HSBP1L1: variants seen among roughly 807,000 people sequenced by gnomAD.
HSBP1L1 encodes the protein heat shock factor binding protein 1 like 1, also known as heat shock factor-binding protein 1-like protein 1.
A neutral mutation model predicts 9.7 loss-of-function variants in HSBP1L1; 8 were observed. The observed-to-expected ratio is 0.82, with a 90% CI of 0.48 to 1.48. HSBP1L1 has a LOEUF of 1.48. Among genes scored for constraint, HSBP1L1 ranks in the 40% most tolerant of loss-of-function variants. The pLI is 0.00. For missense variants in HSBP1L1, 106 were observed against 95.8 expected (o/e 1.11, Z -0.44); for synonymous variants, 39 against 34.4 (o/e 1.13, Z -0.46).
In HSBP1L1 at chr18:79,970,463, C is replaced by A; in HGVS notation, c.*12C>A. 1.4e-6 allele frequency: 1 copy of A among 718,524 alleles called. No homozygotes were observed. The highest frequency in any genetic ancestry group is 2.6e-6 in the Non-Finnish European group (1 of 385,040). 44.5% of individuals were successfully genotyped at this position (718,524 alleles called of 1,614,324 possible). On this transcript the variant is annotated 3_prime_UTR_variant, in exon 4 of 4. Transcript: ENST00000451882. ...AGCTGAAGACCTAACTGCAGCATGT[C>A]TGTATTTGGAGATGGGGCCTCTACA...
At chr18:79,965,267 C>T (rs1051790871) in intron 1 of HSBP1L1, among the ~76,000 whole-genome samples, 1 of 152,196 alleles carries the variant, frequency 6.6e-6, no homozygotes, top group African/African-American at 2.4e-5. Flanking sequence ...CCAAAGAGTT[C>T]CAGGCCCACA....
intron 1 of HSBP1L1, 55 bp downstream of exon 1, chr18:79,964,841 T>TG (rs1413785231): frequency 4.1e-5 from 8 of 195,964 alleles, no homozygotes; most frequent in Non-Finnish European, 5.0e-5. Context: ...CCTGCGGTTC[T>TG]GGGGGGTTTT....
intron 2 of HSBP1L1, among the ~76,000 whole-genome samples, chr18:79,967,289 T>C (rs2051262658): frequency 6.6e-6 from 1 of 152,058 alleles, no homozygotes; most frequent in African/African-American, 2.4e-5. Context: ...CAGTGCCCCC[T>C]AGACCATAGA....
At chr18:79,969,191 AAAAGAAAGGAAAG>A (rs1404512326) in intron 3 of HSBP1L1, among the ~76,000 whole-genome samples, 3 of 57,350 alleles carry the variant, frequency 5.2e-5, no homozygotes, top group African/African-American at 9.9e-5. Flanking sequence ...AACATGAAAG[AAAAGAAAGGAAAG>A]AAAGAAAGAA....
chr18:79,969,964 G>A (rs141086421), intron 3 of HSBP1L1: 1 of 163,932 alleles, frequency 6.1e-6, no homozygotes, highest in Admixed American at 5.8e-5. Flanking sequence ...CTTGTCACCT[G>A]CATTAGCTGC....
intron 2 of HSBP1L1, 175 bp downstream of exon 2, chr18:79,966,853 A>T (rs2051259660): frequency 7.1e-6 from 4 of 562,376 alleles, no homozygotes; most frequent in Non-Finnish European, 1.3e-5. Flanking sequence ...ACCTATAGCA[A>T]AAGCTGTACC....
chr18:79,970,664 G>C lies in HSBP1L1; in HGVS notation c.*213G>C, dbSNP rs1452950249. On this transcript the variant is annotated 3_prime_UTR_variant, in exon 4 of 4. Coordinates refer to ENST00000451882, the MANE Select transcript of HSBP1L1 (RefSeq NM_001136180.2). Reference sequence around the variant, plus strand: ...CAGAAATCACACGGACCAGCACCTTGATCTGGGACTTCCAGAAAACAGAAC... The same window carrying C: ...CAGAAATCACACGGACCAGCACCTTCATCTGGGACTTCCAGAAAACAGAAC... 1.1e-5 allele frequency: 6 copies of C among 534,852 alleles called. 1 individual carries two copies. Among genetic ancestry groups the C allele is most frequent in the Non-Finnish European group, 2.0e-5 (6 of 295,288 alleles). 33.1% of individuals were successfully genotyped at this position (534,852 alleles called of 1,614,324 possible).
At position 79,970,660 on chromosome 18, in the gene HSBP1L1, C is replaced by T. The variant is rs116832047; in HGVS notation, c.*209C>T. 1.2e-3 allele frequency: 635 copies of T among 544,858 alleles called. 1 individual carries two copies. Among genetic ancestry groups the T allele is most frequent in the African/African-American group, 9.5e-3 (505 of 53,280 alleles). 33.8% of individuals were successfully genotyped at this position (544,858 alleles called of 1,614,324 possible). ...TCCCCAGAAATCACACGGACCAGCA[C>T]CTTGATCTGGGACTTCCAGAAAACA... On this transcript the variant is annotated 3_prime_UTR_variant, in exon 4 of 4. Coordinates refer to ENST00000451882, the MANE Select transcript of HSBP1L1 (RefSeq NM_001136180.2).
chr18:79,966,688 T>C lies in HSBP1L1; in HGVS notation c.118+10T>C. 5.2e-6 allele frequency: 8 copies of C among 1,533,274 alleles called. No individual in the cohort carries two copies. The highest frequency in any genetic ancestry group is 7.1e-6 in the Non-Finnish European group (8 of 1,131,032). The allele number at this position is 1,533,274 out of a possible 1,614,324, so 95.0% of individuals were successfully genotyped here. A position where few individuals can be genotyped will look rare whatever the true frequency, so the allele number is the denominator to read the frequency against. On this transcript the variant is annotated intron_variant, in intron 2 of 3. Coordinates refer to ENST00000451882, the MANE Select transcript of HSBP1L1 (RefSeq NM_001136180.2). ...ACATTAAACCTCAGAAATATCCTTTTCTACCTTTAACAAATGCTGTGATTC... is the reference window on the plus strand; with the variant it reads ...ACATTAAACCTCAGAAATATCCTTTCCTACCTTTAACAAATGCTGTGATTC...
intron 2 of HSBP1L1, 146 bp downstream of exon 2, chr18:79,966,824 G>A: frequency 3.1e-6 from 2 of 648,422 alleles, no homozygotes; most frequent in Non-Finnish European, 5.4e-6. Context: ...GTGGCTTCCT[G>A]ATGTGTTAAT....
chr18:79,969,393 A>AGG (rs1329993985), intron 3 of HSBP1L1, among the ~76,000 whole-genome samples: 1 of 70,844 alleles, frequency 1.4e-5, no homozygotes, highest in Non-Finnish European at 3.1e-5. Context: ...GAAAGAAAGA[A>AGG]AAAAAAACGA....
chr18:79,968,229 C>A, intron 3 of HSBP1L1, 46 bp downstream of exon 3: 2 of 1,105,092 alleles, frequency 1.8e-6, no homozygotes, highest in Non-Finnish European at 2.7e-6. Context: ...TATGTTTTGA[C>A]TGCTTTCATC....
chr18:79,967,806 A>C, intron 2 of HSBP1L1: 1 of 299,464 alleles, frequency 3.3e-6, no homozygotes. Flanking sequence ...ATTTATTTTT[A>C]CATACCCAGA....
chr18:79,969,375 GAA>G (rs1300355171), intron 3 of HSBP1L1, among the ~76,000 whole-genome samples: 2 of 52,058 alleles, frequency 3.8e-5, no homozygotes, highest in Non-Finnish European at 9.6e-5. Flanking sequence ...AAGAAAGAAA[GAA>G]AGAAAGAAAG....
Position 79,969,391 on chromosome 18 carries a change from GA to G in HSBP1L1, c.214-1040del, listed in dbSNP as rs755308930. 4.7e-4 allele frequency among the ~76,000 whole-genome samples: 44 copies of G among 92,970 alleles called. 2 individuals carry two copies. The highest frequency in any genetic ancestry group is 4.4e-4 in the Non-Finnish European group (20 of 45,320). 61.0% of individuals were successfully genotyped at this position (92,970 alleles called of 152,430 possible). A position where few individuals can be genotyped will look rare whatever the true frequency, so the allele number is the denominator to read the frequency against. ...AGAAAGAAAGAAAGAAAGAAAGAAAGAAAAAAAAACGATGCAGAATAGCGCC... is the reference window on the plus strand; with the variant it reads ...AGAAAGAAAGAAAGAAAGAAAGAAAGAAAAAAAACGATGCAGAATAGCGCC... On this transcript the variant is annotated intron_variant, in intron 3 of 3. Coordinates refer to ENST00000451882, the MANE Select transcript of HSBP1L1 (RefSeq NM_001136180.2).
At chr18:79,968,239 C>T in intron 3 of HSBP1L1, 56 bp downstream of exon 3, 4 of 1,009,332 alleles carry the variant, frequency 4.0e-6, no homozygotes, top group Non-Finnish European at 6.0e-6. Context: ...CTGCTTTCAT[C>T]TTGAAACATA....
At chr18:79,965,895 C>T (rs1478448249) in intron 1 of HSBP1L1, among the ~76,000 whole-genome samples, 1 of 152,146 alleles carries the variant, frequency 6.6e-6, no homozygotes, top group Admixed American at 6.5e-5. Context: ...CAGAAGTCAA[C>T]AGATTTATGG....
intron 1 of HSBP1L1, among the ~76,000 whole-genome samples, chr18:79,965,928 ATTTT>A (rs571115739): frequency 6.6e-6 from 1 of 151,858 alleles, no homozygotes; most frequent in Admixed American, 6.6e-5. Flanking sequence ...CATGATATTT[ATTTT>A]TTTTATTTTT....
chr18:79,967,849 C>T (rs758726420), intron 2 of HSBP1L1: 1 of 430,814 alleles, frequency 2.3e-6, no homozygotes, highest in Non-Finnish European at 4.1e-6. Context: ...AATCTCCTGT[C>T]CCCAAATCCA....
Sources: gnomAD v4.1 joint callset for allele counts (sites outside exome capture counted in the v4.1 genomes callset) on GRCh38, gnomAD v4.1.1 for gene constraint, MANE v1.5 for transcripts, NCBI Gene and HGNC (gene_info 2026-07-23, HGNC 2026-07-21) for gene names.